SATB1: variants seen among roughly 807,000 people sequenced by gnomAD.
SATB1 encodes DNA-binding protein SATB1.
Under a neutral mutation model 86.9 loss-of-function variants are expected in SATB1, and 11 were observed. That is an observed-to-expected ratio of 0.13 (90% CI 0.08 to 0.21). SATB1 has a LOEUF of 0.21. Ranked by LOEUF, SATB1 falls within the 10% of genes least tolerant of loss-of-function variation. The pLI is 1.00. For synonymous variants in SATB1, 357 were observed against 357.2 expected, an observed-to-expected ratio of 1.00 and a Z score of 0.01; for missense variants, 551 against 937.6, an observed-to-expected ratio of 0.59 and a Z score of 5.39.
At chr3:18,388,299 A>G (rs2125212976) in intron 7 of SATB1, among the ~76,000 whole-genome samples, 1 of 152,230 alleles carries the variant, frequency 6.6e-6, no homozygotes, top group African/African-American at 2.4e-5. Context: ...CTGATGTGCC[A>G]TATTGAAAGT....
chr3:18,421,451 A>G (rs1297355263), intron 1 of SATB1: 3 of 156,624 alleles, frequency 1.9e-5, no homozygotes, highest in African/African-American at 7.2e-5. Context: ...TTATATGTAT[A>G]CATTTTATAT....
At chr3:18,408,946 T>C (rs1697691254) in intron 5 of SATB1, 1 of 151,964 alleles carries the variant, frequency 6.6e-6, no homozygotes, top group Non-Finnish European at 1.5e-5. Context: ...TGTCTACTCC[T>C]AAGCCTTGGG....
In SATB1 at chr3:18,394,419, A is replaced by G. The variant is rs1205682918; in HGVS notation, c.1206+43T>C. The G allele has an allele frequency of 6.5e-7, 1 of 1,534,380 alleles. No homozygotes were observed. The highest frequency in any genetic ancestry group is 1.7e-5 in the Admixed American group (1 of 59,138). ...GTTATAGATGGGACTAAAGAAAGAG[A>G]AAATAGGAGACAGCACAGAACCACT... On this transcript the variant is annotated intron_variant, in intron 7 of 10. Transcript: ENST00000338745. This position sits in a 1 kb window ranked among gnomAD's most constrained non-coding sequence, Gnocchi z 5.9.
chr3:18,418,506 C>T (rs1028745530), intron 2 of SATB1, among the ~76,000 whole-genome samples: 2 of 152,096 alleles, frequency 1.3e-5, no homozygotes, highest in East Asian at 3.9e-4. Flanking sequence ...AAAAACAAGC[C>T]GCAGAGCTTG....
chr3:18,385,394 G>T (rs919977091), intron 8 of SATB1, among the ~76,000 whole-genome samples: 1 of 152,060 alleles, frequency 6.6e-6, no homozygotes, highest in Non-Finnish European at 1.5e-5. Context: ...AGGCCGAGGT[G>T]GGAGGATCAT....
intron 1 of SATB1, among the ~76,000 whole-genome samples, chr3:18,422,175 A>C (rs1012439823): frequency 5.3e-5 from 8 of 152,182 alleles, no homozygotes; most frequent in Admixed American, 3.9e-4. Flanking sequence ...CAGAGAGAAT[A>C]ATTACCATTT....
intron 8 of SATB1, 63 bp from the exon 9 acceptor site, chr3:18,378,388 G>C: frequency 6.5e-7 from 1 of 1,531,914 alleles, no homozygotes; most frequent in Non-Finnish European, 9.0e-7. Context: ...AAGCTTCTCA[G>C]GCTCAGCATC....
rs1696355555 is a variant in SATB1, at chr3:18,386,582, T to C, written c.1236A>G (p.Glu412=). The C allele has an allele frequency of 1.2e-6, 2 of 1,613,984 alleles. 1 individual carries two copies. Among genetic ancestry groups the C allele is most frequent in the Admixed American group, 3.3e-5 (2 of 60,000 alleles). ...QGLLSEILRK[E]EDPKTASQSL... ...ACTGGGATGCAGTCTTGGGGTCCTC[T>C]TCCTTTCGGAGGATTTCTGAAAGCA... The change falls in exon 8 of 11, where the codon GAA becomes GAG. Residue 412 remains glutamate, a synonymous_variant. Coordinates refer to ENST00000338745, the MANE Select transcript of SATB1 (RefSeq NM_002971.6). This position sits in a 1 kb window ranked among gnomAD's most constrained non-coding sequence, Gnocchi z 4.5.
At chr3:18,442,180 C>T (rs747516459), upstream of SATB1, among the ~76,000 whole-genome samples, 5 of 152,060 alleles carry the variant, frequency 3.3e-5, no homozygotes, top group African/African-American at 7.2e-5. Flanking sequence ...CCCCCGCCCC[C>T]CATCCTGCCC....
chr3:18,382,517 T>C (rs1696117818), intron 8 of SATB1, among the ~76,000 whole-genome samples: 1 of 152,178 alleles, frequency 6.6e-6, no homozygotes, highest in South Asian at 2.1e-4. Flanking sequence ...AATCATGAAT[T>C]ATTATTGTTC....
chr3:18,414,867 T>C, intron 5 of SATB1: 1 of 387,280 alleles, frequency 2.6e-6, no homozygotes, highest in Non-Finnish European at 4.6e-6. Context: ...CAGCGGAGTC[T>C]TCCACTGAAC....
intron 9 of SATB1, among the ~76,000 whole-genome samples, chr3:18,353,653 G>A (rs775066689): frequency 6.6e-5 from 10 of 152,044 alleles, no homozygotes; most frequent in Non-Finnish European, 1.3e-4. Flanking sequence ...AAACTGAAAC[G>A]ATTAGAGAGA....
chr3:18,410,297 CA>C (rs1697764566), intron 5 of SATB1, among the ~76,000 whole-genome samples: 1 of 152,130 alleles, frequency 6.6e-6, no homozygotes, highest in South Asian at 2.1e-4. Flanking sequence ...AAAACCTATC[CA>C]ATTCATCTGA....
chr3:18,418,263 G>A (rs1358312773), intron 2 of SATB1, among the ~76,000 whole-genome samples: 1 of 152,058 alleles, frequency 6.6e-6, no homozygotes, highest in Non-Finnish European at 1.5e-5. Context: ...CACACCAACC[G>A]TAGCTAAAAA....
intron 8 of SATB1, among the ~76,000 whole-genome samples, chr3:18,384,795 A>T (rs1037500646): frequency 1.3e-5 from 2 of 152,106 alleles, no homozygotes; most frequent in Admixed American, 1.3e-4. Context: ...CTTAGGAAAT[A>T]TTTTATAGAA....
chr3:18,358,147 T>C (rs1346371535), intron 9 of SATB1, among the ~76,000 whole-genome samples: 1 of 152,014 alleles, frequency 6.6e-6, no homozygotes, highest in Non-Finnish European at 1.5e-5. Context: ...AGAAGGTCAT[T>C]ATTTGATTAA....
chr3:18,355,946 G>A (rs1215086890), intron 9 of SATB1, among the ~76,000 whole-genome samples: 1 of 151,996 alleles, frequency 6.6e-6, no homozygotes, highest in African/African-American at 2.4e-5. Flanking sequence ...GTAGCCACAT[G>A]TAAATAAATT....
upstream of SATB1, among the ~76,000 whole-genome samples, chr3:18,439,559 C>G (rs1425506058): frequency 2.0e-5 from 3 of 152,136 alleles, no homozygotes; most frequent in African/African-American, 7.2e-5. Flanking sequence ...CCACTGAGAA[C>G]AGCATTTAGG....
chr3:18,444,647 G>C lies in SATB1; in HGVS notation c.-25+871C>G, dbSNP rs1403046065. ...GGGGGCGGCGGTGGCTGTCGAGTGC[G>C]GGCCTGAAACCAAGAACGGCTCCCC... On this transcript the variant is annotated intron_variant, in intron 1 of 3. Coordinates refer to the SATB1 transcript ENST00000415069. The surrounding 1 kb of genome is among the most constrained non-coding windows in gnomAD (Gnocchi z 5.1). 3 of 984,806 alleles carry C rather than the reference G, an allele frequency of 3.0e-6. No individual in the cohort carries two copies. Among genetic ancestry groups the C allele is most frequent in the African/African-American group, 1.8e-5 (1 of 57,056 alleles). The allele number at this position is 984,806 out of a possible 1,614,324, so 61.0% of individuals were successfully genotyped here. A position where few individuals can be genotyped will look rare whatever the true frequency, so the allele number is the denominator to read the frequency against.
Sources: gnomAD v4.1 joint callset for allele counts (sites outside exome capture counted in the v4.1 genomes callset) on GRCh38, gnomAD v4.1.1 for gene constraint, Gnocchi (gnomAD v3.1) non-coding constraint, MANE v1.5 for transcripts, NCBI Gene and HGNC (gene_info 2026-07-23, HGNC 2026-07-21) for gene names.